The following CDH13 variants were observed in gnomAD, a reference collection of about 807,000 sequenced individuals.
CDH13 encodes the protein cadherin-13.
Under a neutral mutation model 63.8 loss-of-function variants are expected in CDH13, and 24 were observed. The observed-to-expected ratio is 0.38, with a 90% confidence interval of 0.27 to 0.53. The LOEUF (loss-of-function observed/expected upper bound fraction) is 0.53, where lower values mean the gene tolerates loss of function less well. Ranked by LOEUF, CDH13 falls within the 20% of genes least tolerant of loss-of-function variation. The probability of loss-of-function intolerance (pLI) is 0.85; values close to 1 mark genes in which losing one functional copy is unlikely to be tolerated. For synonymous variants in CDH13, 503 were observed against 355.3 expected (o/e 1.42, Z -4.67); for missense variants, 1,049 against 903.1 (o/e 1.16, Z -2.07).
chr16:83,756,771 C>T (rs1221050735), intron 11 of CDH13, among the ~76,000 whole-genome samples: 1 of 152,174 alleles, frequency 6.6e-6, no homozygotes, highest in Non-Finnish European at 1.5e-5. Flanking sequence ...ATGTACTGGA[C>T]AGCACAGATT....
Position 82,835,760 on chromosome 16 carries a change from C to T in CDH13, c.46-22602C>T, listed in dbSNP as rs377450800. 3.9e-5 allele frequency among the ~76,000 whole-genome samples: 6 copies of T among 152,314 alleles called. No homozygotes were observed. In the East Asian group the frequency reaches 9.7e-4, roughly 25 times the overall value. ...TGCACAGGAGGAAGCCAGAAGTGCC[C>T]TGCTGTGATGATCAATCCATATGCA... On this transcript the variant is annotated intron_variant, in intron 1 of 13. Transcript: ENST00000567109.
chr16:83,293,078 C>T (rs2089502689), intron 5 of CDH13, among the ~76,000 whole-genome samples: 1 of 152,106 alleles, frequency 6.6e-6, no homozygotes, highest in Non-Finnish European at 1.5e-5. Context: ...TTTATCACAA[C>T]AGTAATTACT....
chr16:83,136,797 C>T lies in CDH13; in HGVS notation c.483+11296C>T, dbSNP rs11864164. Among the ~76,000 whole-genome samples, 48 of 152,202 alleles carry T rather than the reference C, an allele frequency of 3.2e-4. 1 individual carries two copies. Among genetic ancestry groups the T allele is most frequent in the African/African-American group, 1.0e-3 (43 of 41,518 alleles). On this transcript the variant is annotated intron_variant, in intron 4 of 13. Transcript: ENST00000567109. ...GTTCCGCAGCCTGAATGCAGGTTCC[C>T]AGATTCGTAGGAGTGGTCTGAGATT...
chr16:83,039,990 C>T (rs1376517693), intron 3 of CDH13, among the ~76,000 whole-genome samples: 1 of 151,736 alleles, frequency 6.6e-6, no homozygotes, highest in Non-Finnish European at 1.5e-5. Context: ...ACCTGCCTGG[C>T]TCTCTCTACT....
intron 4 of CDH13, among the ~76,000 whole-genome samples, chr16:83,216,241 G>A (rs951970469): frequency 2.0e-5 from 3 of 150,998 alleles, no homozygotes. Context: ...AGTGTTGTAT[G>A]TTGTATTGCA....
At chr16:83,192,191 G>T (rs1282385723) in intron 4 of CDH13, among the ~76,000 whole-genome samples, 1 of 152,106 alleles carries the variant, frequency 6.6e-6, no homozygotes, top group Middle Eastern at 3.2e-3. Context: ...CCCTTCCCAT[G>T]CTGAAGCCTT....
intron 4 of CDH13, among the ~76,000 whole-genome samples, chr16:83,158,666 C>T (rs147701242): frequency 8.5e-5 from 13 of 152,374 alleles, no homozygotes; most frequent in Admixed American, 7.2e-4. Flanking sequence ...CCACGTTAAA[C>T]AGATCCACGG....
intron 2 of CDH13, chr16:82,884,420 G>C: frequency 3.1e-6 from 1 of 318,234 alleles, no homozygotes; most frequent in Non-Finnish European, 6.2e-6. Context: ...TGTTGCAGTA[G>C]ACAAAGCAAG....
intron 1 of CDH13, among the ~76,000 whole-genome samples, chr16:82,805,980 C>A (rs559429358): frequency 6.6e-6 from 1 of 152,272 alleles, no homozygotes; most frequent in East Asian, 1.9e-4. Context: ...TCTCCATAAT[C>A]CCCTAGGTTT....
intron 2 of CDH13, among the ~76,000 whole-genome samples, chr16:82,870,567 A>G (rs1478467032): frequency 6.6e-6 from 1 of 152,170 alleles, no homozygotes; most frequent in Non-Finnish European, 1.5e-5. Flanking sequence ...AAAATCTAGT[A>G]TTTTGTAGCG....
intron 6 of CDH13, among the ~76,000 whole-genome samples, chr16:83,431,939 TG>T (rs1341198829): frequency 4.6e-5 from 7 of 152,168 alleles, no homozygotes; most frequent in Non-Finnish European, 8.8e-5. Context: ...ATACGGCCAT[TG>T]GCAGATTTTG....
At chr16:82,684,427 G>T (rs985287081) in intron 1 of CDH13, among the ~76,000 whole-genome samples, 2 of 152,150 alleles carry the variant, frequency 1.3e-5, no homozygotes, top group African/African-American at 4.8e-5. Context: ...ATGCCTAGAT[G>T]TCTGCGGTGA....
intron 1 of CDH13, among the ~76,000 whole-genome samples, chr16:82,637,242 A>C (rs966549725): frequency 6.6e-6 from 1 of 152,102 alleles, no homozygotes; most frequent in Non-Finnish European, 1.5e-5. Flanking sequence ...GCAGTTCTGC[A>C]TGTTTTTGCA....
At position 83,748,127 on chromosome 16, in the gene CDH13, C is replaced by G; in HGVS notation, c.1558C>G (p.Pro520Ala). Residue 520 changes from proline to alanine, a missense_variant, in exon 11 of 14, where the codon CCA becomes GCA. By Grantham distance (27) the Pro-to-Ala change is conservative. Coordinates refer to ENST00000567109, the MANE Select transcript of CDH13 (RefSeq NM_001257.5). ...QTIRYSVYKD[P>A]AGWLNINPIN... ...TTTCAGGTATTCTGTTTACAAGGAC[C>G]CAGCAGGTTGGCTGAATATTAACCC... 1 of 1,613,746 alleles carries G rather than the reference C, an allele frequency of 6.2e-7. No individual in the cohort carries two copies. The highest frequency in any genetic ancestry group is 8.5e-7 in the Non-Finnish European group (1 of 1,179,844).
intron 1 of CDH13, among the ~76,000 whole-genome samples, chr16:82,780,550 ACTAT>A (rs34710769): frequency 0.079 from 11,965 of 152,230 alleles, 596 homozygotes; most frequent in Middle Eastern, 0.13. Flanking sequence ...TGTAATTATC[ACTAT>A]CTATAATTTT....
At chr16:83,482,452 G>C (rs2073793112) in intron 6 of CDH13, among the ~76,000 whole-genome samples, 1 of 152,222 alleles carries the variant, frequency 6.6e-6, no homozygotes, top group African/African-American at 2.4e-5. Context: ...AGGCACTGAA[G>C]AGTCCTCTGG....
intron 10 of CDH13, among the ~76,000 whole-genome samples, chr16:83,709,338 C>G: frequency 6.6e-6 from 1 of 152,206 alleles, no homozygotes; most frequent in Non-Finnish European, 1.5e-5. Context: ...ACACAGGAAC[C>G]TGAGATATTA....
chr16:83,237,548 G>C (rs143676304), intron 5 of CDH13, among the ~76,000 whole-genome samples: 14 of 152,358 alleles, frequency 9.2e-5, no homozygotes, highest in Non-Finnish European at 2.1e-4. Flanking sequence ...CTGTAGAACT[G>C]AGTTCTTAAT....
intron 4 of CDH13, among the ~76,000 whole-genome samples, chr16:83,146,193 C>CAA (rs749952847): frequency 0.2 from 19,228 of 97,002 alleles, 1,705 homozygotes; most frequent in Middle Eastern, 0.31. Context: ...GACTCTGTCT[C>CAA]AAAAAAAAAA....
Sources: gnomAD v4.1 joint callset for allele counts (sites outside exome capture counted in the v4.1 genomes callset) on GRCh38, gnomAD v4.1.1 for gene constraint, MANE v1.5 for transcripts, NCBI Gene and HGNC (gene_info 2026-07-23, HGNC 2026-07-21) for gene names.